Variants in IFT43 observed in about 807,000 individuals in gnomAD.
IFT43 encodes intraflagellar transport 43.
Under a neutral mutation model 32.3 loss-of-function variants are expected in IFT43, and 33 were observed. That is an observed-to-expected ratio of 1.02 (90% CI 0.77 to 1.37). The LOEUF is 1.37. Ranked by LOEUF, IFT43 falls within the 40% of genes most tolerant of loss-of-function variation. The pLI is 0.00. For synonymous variants in IFT43, 93 were observed against 98.2 expected (o/e 0.95, Z 0.31); for missense variants, 274 against 265.9 (o/e 1.03, Z -0.21).
chr14:76,071,769 A>AT (rs2140080192), intron 5 of IFT43, among the ~76,000 whole-genome samples: 1 of 152,268 alleles, frequency 6.6e-6, no homozygotes, highest in Admixed American at 6.5e-5. Context: ...TTCATCTTTA[A>AT]TCATGTTTCT....
chr14:76,055,187 T>C (rs1407977743), intron 3 of IFT43, among the ~76,000 whole-genome samples: 1 of 150,682 alleles, frequency 6.6e-6, no homozygotes, highest in African/African-American at 2.4e-5. Context: ...CTACGAAAAA[T>C]AGAAAAAAAT....
intron 2 of IFT43, among the ~76,000 whole-genome samples, chr14:76,003,179 A>G (rs2035921510): frequency 6.6e-6 from 1 of 152,234 alleles, no homozygotes; most frequent in South Asian, 2.1e-4. Flanking sequence ...CCAGTATAAT[A>G]GAGAGTTATG....
chr14:75,999,281 A>ATATATATATT (rs1566699821), intron 2 of IFT43, among the ~76,000 whole-genome samples: 1 of 39,064 alleles, frequency 2.6e-5, no homozygotes, highest in African/African-American at 1.2e-4. Context: ...ATGTATATAT[A>ATATATATATT]TTTTTTTTTT....
At chr14:76,051,407 A>G (rs1000271260) in intron 3 of IFT43, among the ~76,000 whole-genome samples, 1 of 151,692 alleles carries the variant, frequency 6.6e-6, no homozygotes, top group Non-Finnish European at 1.5e-5. Context: ...GAGCAGAGGG[A>G]CCCCAATTAT....
At chr14:76,008,534 A>G (rs1196936622) in intron 2 of IFT43, among the ~76,000 whole-genome samples, 1 of 152,162 alleles carries the variant, frequency 6.6e-6, no homozygotes, top group Non-Finnish European at 1.5e-5. Flanking sequence ...AGATATGATG[A>G]GCACAAGGCT....
intron 2 of IFT43, among the ~76,000 whole-genome samples, chr14:75,996,007 T>C (rs749020116): frequency 3.9e-5 from 6 of 152,220 alleles, no homozygotes; most frequent in Non-Finnish European, 8.8e-5. Flanking sequence ...AATCAACATC[T>C]TGAGATTCTC....
intron 5 of IFT43, among the ~76,000 whole-genome samples, chr14:76,060,426 C>T (rs1380642333): frequency 6.6e-6 from 1 of 152,054 alleles, no homozygotes; most frequent in African/African-American, 2.4e-5. Flanking sequence ...ACCATGTTGG[C>T]CAGGCTGGTC....
chr14:76,012,234 G>A (rs2036098888), intron 2 of IFT43, among the ~76,000 whole-genome samples: 1 of 152,186 alleles, frequency 6.6e-6, no homozygotes, highest in Non-Finnish European at 1.5e-5. Context: ...TTCTGAGAGT[G>A]TGTGAGAAGT....
At chr14:75,991,394 T>A (rs1172183004) in intron 2 of IFT43, among the ~76,000 whole-genome samples, 1 of 83,430 alleles carries the variant, frequency 1.2e-5, no homozygotes, top group East Asian at 3.2e-4. Flanking sequence ...CAAGAGTGTG[T>A]GTGTGTGTGT....
rs1350043640 is a variant in IFT43 at position 75,995,892 on chromosome 14, T to C, written c.147+6915T>C. Among the ~76,000 whole-genome samples, 3 of 152,300 alleles carry C rather than the reference T, an allele frequency of 2.0e-5. No individual in the cohort carries two copies. In the East Asian group the frequency reaches 5.8e-4, roughly 29 times the overall value. ...TATGTCATGCTTGGCATGCTTTGGT[T>C]TTGAACTCTCCCTTGGAGTGTGCAG... On this transcript the variant is annotated intron_variant, in intron 2 of 8. Transcript: ENST00000314067.
intron 2 of IFT43, among the ~76,000 whole-genome samples, chr14:76,000,778 C>G (rs1438167036): frequency 6.6e-6 from 1 of 152,112 alleles, no homozygotes; most frequent in East Asian, 1.9e-4. Flanking sequence ...GAAGGAGAGT[C>G]TGGAGTTGAG....
intron 2 of IFT43, among the ~76,000 whole-genome samples, chr14:76,015,936 A>C (rs565235694): frequency 1.3e-4 from 20 of 152,302 alleles, no homozygotes; most frequent in African/African-American, 4.8e-4. Context: ...AGTGATGTAG[A>C]ACATTTTTTC....
intron 2 of IFT43, among the ~76,000 whole-genome samples, chr14:75,992,295 A>G (rs2035658849): frequency 6.6e-6 from 1 of 152,224 alleles, no homozygotes; most frequent in Admixed American, 6.5e-5. Context: ...TAATACCACC[A>G]GGTTGATATG....
chr14:76,029,600 C>T (rs1335290241), intron 3 of IFT43, among the ~76,000 whole-genome samples: 2 of 152,110 alleles, frequency 1.3e-5, no homozygotes, highest in Admixed American at 6.5e-5. Context: ...CGAGATCTTA[C>T]ATTTAAGTCG....
intron 3 of IFT43, among the ~76,000 whole-genome samples, chr14:76,053,939 T>A (rs975603760): frequency 2.0e-5 from 3 of 152,236 alleles, no homozygotes; most frequent in African/African-American, 7.2e-5. Context: ...CTTCACCTAG[T>A]GGACCATTCA....
intron 5 of IFT43, among the ~76,000 whole-genome samples, chr14:76,078,497 T>C (rs1324744226): frequency 3.9e-5 from 6 of 152,172 alleles, no homozygotes; most frequent in African/African-American, 7.2e-5. Context: ...ACCTTTCACA[T>C]AGTGGGTGTT....
chr14:75,994,215 C>T (rs1163387520), intron 2 of IFT43, among the ~76,000 whole-genome samples: 4 of 151,812 alleles, frequency 2.6e-5, no homozygotes, highest in Non-Finnish European at 5.9e-5. Flanking sequence ...ATTGTATGCC[C>T]TAAGTTCCAG....
chr14:76,039,603 A>G (rs1230133577), intron 3 of IFT43, among the ~76,000 whole-genome samples: 1 of 152,244 alleles, frequency 6.6e-6, no homozygotes, highest in East Asian at 1.9e-4. Flanking sequence ...TAGTCTTTGT[A>G]TAACATCGTG....
chr14:75,989,103 T>G (rs2035588263), intron 2 of IFT43, 126 bp downstream of exon 2: 6 of 1,220,118 alleles, frequency 4.9e-6, no homozygotes, highest in Admixed American at 4.0e-5. Flanking sequence ...TGTCTTGATT[T>G]GGGAATTCCC....
Sources: allele counts gnomAD v4.1 joint callset (sites outside exome capture counted in the v4.1 genomes callset), GRCh38; gene constraint gnomAD v4.1.1; transcripts MANE v1.5; gene names NCBI Gene and HGNC (gene_info 2026-07-23, HGNC 2026-07-21).